Variants in NDUFS4 observed in about 807,000 individuals in gnomAD.
The protein encoded by NDUFS4 is NADH dehydrogenase [ubiquinone] iron-sulfur protein 4, mitochondrial.
In NDUFS4, 28 loss-of-function variants were observed where a neutral mutation model predicts 24.3. That is an observed-to-expected ratio of 1.15 (90% CI 0.85 to 1.58). The LOEUF (loss-of-function observed/expected upper bound fraction) is 1.58. Ranked by LOEUF, NDUFS4 falls within the 40% of genes most tolerant of loss-of-function variation. The pLI is 0.00. For synonymous variants in NDUFS4, 93 were observed against 69.7 expected, an observed-to-expected ratio of 1.34 and a Z score of -1.67; for missense variants, 223 against 207.9, an observed-to-expected ratio of 1.07 and a Z score of -0.45.
intron 4 of NDUFS4, among the ~76,000 whole-genome samples, chr5:53,671,830 C>T (rs1212960130): frequency 2.0e-5 from 3 of 152,012 alleles, no homozygotes; most frequent in Admixed American, 6.6e-5. Flanking sequence ...TTTTTTCCCC[C>T]GTTTGATCTG....
At chr5:53,561,066 CAG>C (rs1263330781) in intron 1 of NDUFS4, among the ~76,000 whole-genome samples, 2 of 152,134 alleles carry the variant, frequency 1.3e-5, no homozygotes, top group East Asian at 3.9e-4. Flanking sequence ...CCTTAGCCCT[CAG>C]AGAAGGGGAG....
intron 1 of NDUFS4, among the ~76,000 whole-genome samples, chr5:53,576,406 G>C (rs985890915): frequency 2.0e-5 from 3 of 152,142 alleles, no homozygotes; most frequent in Non-Finnish European, 2.9e-5. Flanking sequence ...AAGCCACCAG[G>C]TTCTTTTTCT....
At position 53,653,200 on chromosome 5, in the gene NDUFS4, C is replaced by T. The variant is rs79744951; in HGVS notation, c.351-5351C>T. On this transcript the variant is annotated intron_variant, in intron 3 of 4. Coordinates refer to ENST00000296684, the MANE Select transcript of NDUFS4 (RefSeq NM_002495.4). ...AAATTATGAATCTGTCATTCAGCTT[C>T]TGGAAACAAGGATTTGTTCCATGTC... 6.1e-3 allele frequency among the ~76,000 whole-genome samples: 935 copies of T among 152,186 alleles called. 9 individuals carry two copies. The highest frequency in any genetic ancestry group is 0.014 in the Middle Eastern group (4 of 294).
chr5:53,625,110 T>G (rs1751176181), intron 2 of NDUFS4, among the ~76,000 whole-genome samples: 1 of 152,066 alleles, frequency 6.6e-6, no homozygotes, highest in Non-Finnish European at 1.5e-5. Context: ...TATACCCAGA[T>G]AGTTTTGGCT....
At chr5:53,665,601 TTG>T (rs1320385236) in intron 4 of NDUFS4, among the ~76,000 whole-genome samples, 2 of 152,184 alleles carry the variant, frequency 1.3e-5, no homozygotes, top group African/African-American at 4.8e-5. Context: ...GAGCGAGGCT[TTG>T]TGGGCATAGG....
At position 53,646,267 on chromosome 5, in the gene NDUFS4, A is replaced by C. The variant is rs745877002; in HGVS notation, c.212A>C (p.His71Pro). 1 of 1,612,942 alleles carries C rather than the reference A, an allele frequency of 6.2e-7. No individual in the cohort carries two copies. Among genetic ancestry groups the C allele is most frequent in the South Asian group, 1.1e-5 (1 of 91,048 alleles). The stretch of plus-strand genomic sequence containing the variant: ...ACTTTAACTGGAGTTCCAGAAGAGC[A>C]TATAAAAACTAGAAAAGTCAGGATC... The part of the protein sequence containing the change: ...ITTLTGVPEE[H>P]IKTRKVRIFV... Residue 71 changes from histidine (H) to proline (P), a missense_variant, in exon 3 of 5, where the codon CAT becomes CCT. Coordinates refer to ENST00000296684, the MANE Select transcript of NDUFS4 (RefSeq NM_002495.4).
chr5:53,638,000 G>C (rs1322101443), intron 2 of NDUFS4, among the ~76,000 whole-genome samples: 1 of 152,138 alleles, frequency 6.6e-6, no homozygotes, highest in Non-Finnish European at 1.5e-5. Context: ...TTAAAAGTCT[G>C]ATGAGCGTTC....
intron 2 of NDUFS4, 93 bp from the exon 3 acceptor site, chr5:53,646,135 AATCTG>A: frequency 9.8e-7 from 1 of 1,016,770 alleles, no homozygotes; most frequent in Non-Finnish European, 1.5e-6. Flanking sequence ...TTTATGAACA[AATCTG>A]AATAGAGTTG....
chr5:53,601,991 A>G (rs1405566463), intron 1 of NDUFS4, among the ~76,000 whole-genome samples: 1 of 152,200 alleles, frequency 6.6e-6, no homozygotes, highest in Non-Finnish European at 1.5e-5. Context: ...AAAACAGTGT[A>G]TGTAGGGTTC....
At chr5:53,580,595 A>G (rs1278880115) in intron 1 of NDUFS4, among the ~76,000 whole-genome samples, 2 of 152,172 alleles carry the variant, frequency 1.3e-5, no homozygotes, top group Non-Finnish European at 2.9e-5. Context: ...AATCCAGCAT[A>G]CCTGAAACAA....
intron 4 of NDUFS4, among the ~76,000 whole-genome samples, chr5:53,676,085 T>A (rs962502344): frequency 1.3e-5 from 2 of 152,206 alleles, no homozygotes; most frequent in Non-Finnish European, 2.9e-5. Flanking sequence ...TCATCTGATA[T>A]AAGGGAGCCA....
chr5:53,664,014 T>G (rs981257900), intron 4 of NDUFS4, among the ~76,000 whole-genome samples: 5 of 152,210 alleles, frequency 3.3e-5, no homozygotes, highest in African/African-American at 1.2e-4. Flanking sequence ...AAGAGCTCTT[T>G]TAGGGCAGGC....
chr5:53,588,655 A>G (rs2112438646), intron 1 of NDUFS4, among the ~76,000 whole-genome samples: 1 of 152,262 alleles, frequency 6.6e-6, no homozygotes, highest in Non-Finnish European at 1.5e-5. Context: ...TGATGTGATC[A>G]TCAGCCTTTT....
intron 1 of NDUFS4, among the ~76,000 whole-genome samples, chr5:53,577,926 C>T (rs903626750): frequency 6.6e-6 from 1 of 152,162 alleles, no homozygotes; most frequent in Non-Finnish European, 1.5e-5. Flanking sequence ...CCTAGATGAT[C>T]TAATTCTCCA....
At chr5:53,682,896 A>C (rs902108414) in intron 4 of NDUFS4, among the ~76,000 whole-genome samples, 9 of 152,084 alleles carry the variant, frequency 5.9e-5, no homozygotes, top group African/African-American at 1.9e-4. Flanking sequence ...TAACAACTTG[A>C]GATATGGTAA....
chr5:53,679,747 A>G (rs915979061), intron 4 of NDUFS4, among the ~76,000 whole-genome samples: 1 of 152,166 alleles, frequency 6.6e-6, no homozygotes, highest in Non-Finnish European at 1.5e-5. Context: ...TTTCTTCTGC[A>G]GTTTCTTTCC....
rs76853920 is a variant in NDUFS4, at chr5:53,568,500, T to C, written c.98+7740T>C. On this transcript the variant is annotated intron_variant, in intron 1 of 4. Coordinates refer to ENST00000296684, the MANE Select transcript of NDUFS4 (RefSeq NM_002495.4). ...TCTTCCATTTTTGCATATTTTTCTA[T>C]TCTAAATTAAGTTTTATGCTTTTCA... 3.7e-3 allele frequency among the ~76,000 whole-genome samples: 562 copies of C among 152,326 alleles called. 1 individual carries two copies. The highest frequency in any genetic ancestry group is 6.8e-3 in the Middle Eastern group (2 of 294).
rs548535749 is a variant in NDUFS4, at chr5:53,647,764, T to G, written c.350+1359T>G. Reference sequence around the variant, plus strand: ...GTAGTTATAAACTTAAATTAGAAAATGTAGACTGTCTTGTTCTAGAAAAGT... The same window carrying G: ...GTAGTTATAAACTTAAATTAGAAAAGGTAGACTGTCTTGTTCTAGAAAAGT... On this transcript the variant is annotated intron_variant, in intron 3 of 4. Coordinates refer to ENST00000296684, the MANE Select transcript of NDUFS4 (RefSeq NM_002495.4). 9.2e-5 allele frequency among the ~76,000 whole-genome samples: 14 copies of G among 152,324 alleles called. No homozygotes were observed. In the South Asian group the frequency reaches 2.9e-3, roughly 32 times the overall value.
At chr5:53,654,227 C>T (rs971901564) in intron 3 of NDUFS4, among the ~76,000 whole-genome samples, 2 of 151,918 alleles carry the variant, frequency 1.3e-5, no homozygotes, top group African/African-American at 4.8e-5. Flanking sequence ...GTTTTTGTAA[C>T]ATCTGTTGAA....
Sources: gnomAD v4.1 joint callset for allele counts (sites outside exome capture counted in the v4.1 genomes callset) on GRCh38, gnomAD v4.1.1 for gene constraint, MANE v1.5 for transcripts, NCBI Gene and HGNC (gene_info 2026-07-23, HGNC 2026-07-21) for gene names.